Variants in ZNF385D observed in about 807,000 individuals in gnomAD.
ZNF385D encodes the protein zinc finger protein 385D.
A neutral mutation model predicts 35.8 loss-of-function variants in ZNF385D; 15 were observed. The ratio of observed to expected loss-of-function variants is 0.42; its 90% CI spans 0.28 to 0.64. ZNF385D has a LOEUF of 0.64. Ranked by LOEUF, ZNF385D falls within the 30% of genes least tolerant of loss-of-function variation. The probability of loss-of-function intolerance (pLI) is 0.23; values close to 1 mark genes in which losing one functional copy is unlikely to be tolerated. For synonymous variants in ZNF385D, 212 were observed against 186.8 expected, an observed-to-expected ratio of 1.13 and a Z score of -1.10; for missense variants, 474 against 494.6, an observed-to-expected ratio of 0.96 and a Z score of 0.39.
intron 2 of ZNF385D, among the ~76,000 whole-genome samples, chr3:22,179,455 G>A (rs1255599363): frequency 1.3e-5 from 2 of 152,284 alleles, no homozygotes; most frequent in Non-Finnish European, 2.9e-5. Flanking sequence ...AGACTTTGCT[G>A]AAGTTGCTTA....
intron 2 of ZNF385D, among the ~76,000 whole-genome samples, chr3:22,171,385 G>A (rs1261202661): frequency 6.6e-6 from 1 of 152,140 alleles, no homozygotes; most frequent in Non-Finnish European, 1.5e-5. Context: ...TCAAGCCTCT[G>A]AGATTTATTT....
intron 2 of ZNF385D, among the ~76,000 whole-genome samples, chr3:22,249,642 T>C (rs1248227767): frequency 2.0e-5 from 3 of 152,200 alleles, no homozygotes; most frequent in Admixed American, 6.6e-5. Flanking sequence ...TAGAGATTTA[T>C]ATATTATAGA....
chr3:22,124,846 A>G (rs755060255), intron 3 of ZNF385D, among the ~76,000 whole-genome samples: 1 of 152,092 alleles, frequency 6.6e-6, no homozygotes, highest in Admixed American at 6.6e-5. Flanking sequence ...TTTGCAAATA[A>G]TTGTTTCCCA....
chr3:22,317,761 A>G (rs1340844290), intron 2 of ZNF385D, among the ~76,000 whole-genome samples: 1 of 152,124 alleles, frequency 6.6e-6, no homozygotes, highest in African/African-American at 2.4e-5. Context: ...CTTTTCAGCT[A>G]TTAAATAATG....
intron 3 of ZNF385D, among the ~76,000 whole-genome samples, chr3:22,008,854 A>G (rs1003515215): frequency 1.3e-5 from 2 of 152,254 alleles, no homozygotes; most frequent in African/African-American, 4.8e-5. Context: ...AAAGCATATG[A>G]AGAATTGTAA....
chr3:21,846,909 C>G (rs1020273359), intron 3 of ZNF385D, among the ~76,000 whole-genome samples: 3 of 151,928 alleles, frequency 2.0e-5, no homozygotes, highest in Non-Finnish European at 4.4e-5. Flanking sequence ...GAACTGATAA[C>G]CTATTAGTGG....
At chr3:21,624,167 AG>A (rs1186775713) in intron 2 of ZNF385D, among the ~76,000 whole-genome samples, 2 of 152,126 alleles carry the variant, frequency 1.3e-5, no homozygotes, top group Non-Finnish European at 2.9e-5. Context: ...CACTATTTTA[AG>A]AAATGCCTCT....
chr3:21,585,280 A>G (rs1322786794), intron 2 of ZNF385D, among the ~76,000 whole-genome samples: 1 of 152,196 alleles, frequency 6.6e-6, no homozygotes, highest in African/African-American at 2.4e-5. Flanking sequence ...ATGATTTAGG[A>G]TCATGTCACT....
intron 3 of ZNF385D, among the ~76,000 whole-genome samples, chr3:21,512,963 T>G (rs540421590): frequency 6.6e-6 from 1 of 152,234 alleles, no homozygotes; most frequent in Non-Finnish European, 1.5e-5. Context: ...CTTTCCTTGG[T>G]GATACAAGTG....
At chr3:21,820,278 A>T (rs2073346233) in intron 3 of ZNF385D, among the ~76,000 whole-genome samples, 1 of 151,868 alleles carries the variant, frequency 6.6e-6, no homozygotes, top group Non-Finnish European at 1.5e-5. Flanking sequence ...CTGTGACCAC[A>T]AGGCAAGACA....
chr3:21,618,526 A>G (rs1184507767), intron 2 of ZNF385D, among the ~76,000 whole-genome samples: 1 of 152,194 alleles, frequency 6.6e-6, no homozygotes, highest in South Asian at 2.1e-4. Context: ...GAAAATTCAT[A>G]TAGTGCCCTA....
At chr3:21,771,416 G>A (rs1330008200) in intron 3 of ZNF385D, among the ~76,000 whole-genome samples, 4 of 151,856 alleles carry the variant, frequency 2.6e-5, no homozygotes, top group Non-Finnish European at 5.9e-5. Flanking sequence ...AGATTTAAAT[G>A]TCCAGTTTTT....
chr3:21,733,094 A>AT (rs150522789), intron 1 of ZNF385D, among the ~76,000 whole-genome samples: 7,018 of 146,732 alleles, frequency 0.048, 206 homozygotes, highest in East Asian at 0.1. Context: ...GTCTAAATTC[A>AT]TTTTTTTTTC....
chr3:21,452,044 A>G (rs982982262), intron 4 of ZNF385D, among the ~76,000 whole-genome samples: 2 of 152,094 alleles, frequency 1.3e-5, no homozygotes, highest in Admixed American at 6.6e-5. Context: ...CTAGAAAACT[A>G]TATATTCAAT....
intron 2 of ZNF385D, among the ~76,000 whole-genome samples, chr3:22,326,217 C>A (rs1694670869): frequency 6.6e-6 from 1 of 152,162 alleles, no homozygotes; most frequent in African/African-American, 2.4e-5. Context: ...ACCCCTGTCT[C>A]AGATAAAAGA....
At chr3:21,816,398 G>T (rs1164711213) in intron 3 of ZNF385D, among the ~76,000 whole-genome samples, 3 of 152,154 alleles carry the variant, frequency 2.0e-5, no homozygotes, top group Admixed American at 6.5e-5. Flanking sequence ...TTGTTCCTGT[G>T]TGCAGATGAC....
intron 3 of ZNF385D, among the ~76,000 whole-genome samples, chr3:22,064,727 C>A (rs548859695): frequency 1.3e-5 from 2 of 152,046 alleles, no homozygotes; most frequent in Non-Finnish European, 2.9e-5. Context: ...ATACATGGAA[C>A]CTGAAAAAGT....
At chr3:22,068,237 C>T (rs145064298) in intron 3 of ZNF385D, among the ~76,000 whole-genome samples, 139 of 152,296 alleles carry the variant, frequency 9.1e-4, no homozygotes, top group African/African-American at 3.0e-3. Context: ...TATCACTAGA[C>T]ACTGTGATGC....
intron 3 of ZNF385D, among the ~76,000 whole-genome samples, chr3:22,010,344 G>A (rs1696496434): frequency 1.3e-5 from 2 of 152,118 alleles, no homozygotes; most frequent in African/African-American, 2.4e-5. Flanking sequence ...ATTCACAAGT[G>A]TTCTATACAC....
Sources: gnomAD v4.1 joint callset for allele counts (sites outside exome capture counted in the v4.1 genomes callset) on GRCh38, gnomAD v4.1.1 for gene constraint, MANE v1.5 for transcripts, NCBI Gene and HGNC (gene_info 2026-07-23, HGNC 2026-07-21) for gene names.